CDK18: variants seen among roughly 807,000 people sequenced by gnomAD.
The protein encoded by CDK18 is cyclin dependent kinase 18, also known as cyclin-dependent kinase 18.
CDK18 carries 52 observed loss-of-function variants against 62.0 expected under a neutral mutation model. That is an observed-to-expected ratio of 0.84 (90% CI 0.67 to 1.06). The LOEUF is 1.06. Among genes scored for constraint, CDK18 ranks in the 50% least tolerant of loss-of-function variants. The pLI is 0.00. For synonymous variants in CDK18, 237 were observed against 247.0 expected (o/e 0.96, Z 0.38); for missense variants, 604 against 619.9 (o/e 0.97, Z 0.27).
At chr1:205,519,896 G>A (rs780517097) in intron 1 of CDK18, among the ~76,000 whole-genome samples, 9 of 152,104 alleles carry the variant, frequency 5.9e-5, no homozygotes, top group East Asian at 1.9e-4. Context: ...TTCCTGAGCC[G>A]CAAATCCAAC....
chr1:205,505,649 C>T (rs1485169214), intron 1 of CDK18, among the ~76,000 whole-genome samples: 1 of 152,178 alleles, frequency 6.6e-6, no homozygotes, highest in African/African-American at 2.4e-5. Context: ...CTGGAGGCCT[C>T]TGTTTTCGCC....
Position 205,529,389 on chromosome 1 carries a change from C to T in CDK18, c.1138C>T (p.Pro380Ser). The part of the protein sequence containing the change: ...AFSEFRTYSF[P>S]CYLPQPLINH... The stretch of plus-strand genomic sequence containing the variant: ...CTCTGAGTTCCGCACCTACAGCTTC[C>T]CCTGCTACCTCCCGCAGCCGCTCAT... Residue 380 changes from proline to serine, a missense_variant, in exon 12 of 16, where the codon CCC becomes TCC. Coordinates refer to ENST00000429964, the MANE Select transcript of CDK18 (RefSeq NM_212502.3). The T allele has an allele frequency of 3.7e-6, 6 of 1,614,072 alleles. No homozygotes were observed. Among genetic ancestry groups the T allele is most frequent in the Non-Finnish European group, 4.2e-6 (5 of 1,179,962 alleles).
chr1:205,512,083 T>C (rs1466310716), intron 1 of CDK18, among the ~76,000 whole-genome samples: 1 of 150,950 alleles, frequency 6.6e-6, no homozygotes, highest in Non-Finnish European at 1.5e-5. Flanking sequence ...AACTGAACCC[T>C]TGGGGGACAC....
intron 1 of CDK18, among the ~76,000 whole-genome samples, chr1:205,518,299 A>G (rs1339349642): frequency 6.6e-6 from 1 of 152,216 alleles, no homozygotes; most frequent in Non-Finnish European, 1.5e-5. Context: ...TAGGAAAGGA[A>G]TTAATGTCTG....
chr1:205,525,070 G>A, intron 4 of CDK18, 69 bp from the exon 5 acceptor site: 1 of 1,015,360 alleles, frequency 9.8e-7, no homozygotes, highest in Non-Finnish European at 1.5e-6. Context: ...CTGGAGTTGG[G>A]GGAGGCGTCA....
In CDK18 at chr1:205,528,847, G is replaced by C; in HGVS notation, c.975-152G>C. The C allele has an allele frequency of 3.5e-6, 2 of 576,834 alleles. No homozygotes were observed. The highest frequency in any genetic ancestry group is 6.2e-6 in the Non-Finnish European group (2 of 322,266). The allele number at this position is 576,834 out of a possible 1,614,324, so 35.7% of individuals were successfully genotyped here. A position where few individuals can be genotyped will look rare whatever the true frequency, so the allele number is the denominator to read the frequency against. ...CTGTAGTGGGGGCTGGGCAGTTCTAGGAGCCTCCACTGCCCTGGGCCACCC... is the reference window on the plus strand; with the variant it reads ...CTGTAGTGGGGGCTGGGCAGTTCTACGAGCCTCCACTGCCCTGGGCCACCC... On this transcript the variant is annotated intron_variant, in intron 10 of 15. Transcript: ENST00000429964. The surrounding 1 kb of genome is among the most constrained non-coding windows in gnomAD (Gnocchi z 4.2).
intron 13 of CDK18, chr1:205,530,023 T>C (rs978103318): frequency 1.4e-6 from 2 of 1,412,434 alleles, no homozygotes; most frequent in South Asian, 1.5e-5. Flanking sequence ...AGAAGGTCAC[T>C]CTCCTGAAGT....
chr1:205,529,326 A>T lies in CDK18; in HGVS notation c.1075A>T (p.Thr359Ser). Residue 359 changes from threonine to serine, a missense_variant and splice_region_variant, in exon 12 of 16, where the codon ACC becomes TCC. Thr to Ser is a moderately conservative substitution (Grantham distance 58). Transcript: ENST00000429964. ...CCCACCCTCTCTCGTCTCCCCAGGG[A>T]CCCCCACAGAAGAGACGTGGCCCGG... ...ELHLIFRLLG[T>S]PTEETWPGVT... 1 of 1,612,262 alleles carries T rather than the reference A, an allele frequency of 6.2e-7. No homozygotes were observed. The highest frequency in any genetic ancestry group is 8.5e-7 in the Non-Finnish European group (1 of 1,179,002).
At chr1:205,506,897 C>T (rs1667330959) in intron 1 of CDK18, among the ~76,000 whole-genome samples, 1 of 152,214 alleles carries the variant, frequency 6.6e-6, no homozygotes, top group Non-Finnish European at 1.5e-5. Context: ...TCTGAGATCT[C>T]GTGGGATCAG....
intron 1 of CDK18, among the ~76,000 whole-genome samples, chr1:205,515,695 C>T (rs919252042): frequency 2.0e-5 from 3 of 152,244 alleles, no homozygotes; most frequent in Non-Finnish European, 2.9e-5. Flanking sequence ...GGCTAGACAC[C>T]GTGTGTTCCT....
chr1:205,531,269 G>A lies in CDK18; in HGVS notation c.1391-75G>A, dbSNP rs1469012899. 6 of 1,365,868 alleles carry A rather than the reference G, an allele frequency of 4.4e-6. No homozygotes were observed. In the East Asian group the frequency reaches 6.9e-5, roughly 16 times the overall value. 84.6% of individuals were successfully genotyped at this position (1,365,868 alleles called of 1,614,324 possible). On this transcript the variant is annotated intron_variant, in intron 15 of 15. Transcript: ENST00000429964. ...TGTCAGAGCAGCTCTGGGGGACAGC[G>A]ACTGTCCCTGCTGACCTGGGGTACC...
chr1:205,528,025 T>C lies in CDK18; in HGVS notation c.854-23T>C. ...ACCCCACAGCACCTGTGGACAGAGG[T>C]CCAGTGACATGTCTGCCCCCAGGAC... On this transcript the variant is annotated intron_variant, in intron 9 of 15. Transcript: ENST00000429964. This position sits in a 1 kb window ranked among gnomAD's most constrained non-coding sequence, Gnocchi z 4.2. 1 of 1,613,794 alleles carries C rather than the reference T, an allele frequency of 6.2e-7. No individual in the cohort carries two copies. The highest frequency in any genetic ancestry group is 8.5e-7 in the Non-Finnish European group (1 of 1,179,860).
Position 205,524,284 on chromosome 1 carries a change from T to G in CDK18, c.326T>G (p.Phe109Cys), listed in dbSNP as rs1252737766. Residue 109 changes from phenylalanine (F) to cysteine (C), a missense_variant, in exon 4 of 16, where the codon TTC (phenylalanine) becomes TGC (cysteine). Coordinates refer to ENST00000429964, the MANE Select transcript of CDK18 (RefSeq NM_212502.3). ...ATGGATATCCGCCTGCCCCAGGAAT[T>G]CCTACAGAAGCTACAGATGGAGAGC... ...LPMDIRLPQE[F>C]LQKLQMESPD... The G allele has an allele frequency of 6.2e-7, 1 of 1,614,160 alleles. No individual in the cohort carries two copies. Among genetic ancestry groups the G allele is most frequent in the African/African-American group, 1.3e-5 (1 of 75,046 alleles).
At chr1:205,513,812 C>T (rs1667685309) in intron 1 of CDK18, among the ~76,000 whole-genome samples, 2 of 152,224 alleles carry the variant, frequency 1.3e-5, no homozygotes, top group Admixed American at 1.3e-4. Context: ...CTTCTCATTC[C>T]AGTCCACCCC....
chr1:205,528,981 A>G lies in CDK18; in HGVS notation c.975-18A>G. 5.8e-6 allele frequency: 9 copies of G among 1,540,188 alleles called. No homozygotes were observed. The highest frequency in any genetic ancestry group is 7.9e-6 in the Non-Finnish European group (9 of 1,134,578). On this transcript the variant is annotated intron_variant, in intron 10 of 15. Coordinates refer to ENST00000429964, the MANE Select transcript of CDK18 (RefSeq NM_212502.3). The surrounding 1 kb of genome is among the most constrained non-coding windows in gnomAD (Gnocchi z 4.2). ...GCCGCCCCTGCCTGATGCCGACCCT[A>G]CCCCTTGCTCCTCGCAGGGGCGTGG... is the stretch of plus-strand genomic sequence containing the variant.
At chr1:205,511,703 G>A (rs1244333906) in intron 1 of CDK18, among the ~76,000 whole-genome samples, 1 of 152,168 alleles carries the variant, frequency 6.6e-6, no homozygotes, top group Non-Finnish European at 1.5e-5. Context: ...TGACACATGT[G>A]TATATCCTGC....
intron 12 of CDK18, 30 bp downstream of exon 12, chr1:205,529,459 T>G (rs1192832754): frequency 1.2e-6 from 2 of 1,609,914 alleles, no homozygotes; most frequent in South Asian, 2.2e-5. Flanking sequence ...CCCCTCCTGC[T>G]GCGGCCCTGG....
intron 3 of CDK18, 51 bp downstream of exon 3, chr1:205,523,676 G>A (rs1291638085): frequency 6.5e-7 from 1 of 1,533,282 alleles, no homozygotes; most frequent in Non-Finnish European, 8.8e-7. Flanking sequence ...GCACGCACAA[G>A]GGTGTGCACA....
intron 1 of CDK18, among the ~76,000 whole-genome samples, chr1:205,508,004 CT>C (rs1035883351): frequency 5.9e-5 from 9 of 152,200 alleles, no homozygotes; most frequent in African/African-American, 1.9e-4. Context: ...AGGCAGCAGT[CT>C]CTTGCTCTGA....
Sources: gnomAD v4.1 joint callset for allele counts (sites outside exome capture counted in the v4.1 genomes callset) on GRCh38, gnomAD v4.1.1 for gene constraint, Gnocchi (gnomAD v3.1) non-coding constraint, MANE v1.5 for transcripts, NCBI Gene and HGNC (gene_info 2026-07-23, HGNC 2026-07-21) for gene names.